The following USP10 variants were observed in gnomAD, a reference collection of about 807,000 sequenced individuals.
USP10 encodes the protein ubiquitin carboxyl-terminal hydrolase 10.
In USP10, 22 loss-of-function variants were observed where a neutral mutation model predicts 84.5. The ratio of observed to expected loss-of-function variants is 0.26; its 90% CI spans 0.19 to 0.37. USP10 has a LOEUF of 0.37. Ranked by LOEUF, USP10 falls within the 10% of genes least tolerant of loss-of-function variation. The pLI, the probability that USP10 is intolerant of heterozygous loss-of-function variation, is 1.00. For missense variants in USP10, 1,019 were observed against 998.9 expected (o/e 1.02, Z -0.27); for synonymous variants, 454 against 387.6 (o/e 1.17, Z -2.01).
At chr16:84,715,704 A>G (rs549916830) in intron 1 of USP10, among the ~76,000 whole-genome samples, 15 of 152,040 alleles carry the variant, frequency 9.9e-5, no homozygotes, top group African/African-American at 3.6e-4. Context: ...TAAACTAGAG[A>G]TTTAGTGGCT....
intron 1 of USP10, among the ~76,000 whole-genome samples, chr16:84,719,124 C>G (rs1271175956): frequency 3.9e-5 from 6 of 152,030 alleles, no homozygotes; most frequent in Non-Finnish European, 1.5e-5. Context: ...TTGTTTTTGC[C>G]TTTATTAACT....
intron 2 of USP10, among the ~76,000 whole-genome samples, chr16:84,734,854 C>A (rs1008737242): frequency 6.6e-6 from 1 of 152,170 alleles, no homozygotes; most frequent in Admixed American, 6.5e-5. Context: ...CTCCCTGCCC[C>A]TGTGGCCCTG....
In USP10 at chr16:84,757,396, GGTGGGGGTGTGTGTGTGTGT is replaced by G. The variant is rs1299526745; in HGVS notation, c.1193-1316_1193-1297del. Among the ~76,000 whole-genome samples the G allele has an allele frequency of 1.6e-4, 21 of 127,436 alleles. 1 individual carries two copies. The highest frequency in any genetic ancestry group is 2.6e-4 in the Non-Finnish European group (16 of 61,352). The allele number at this position is 127,436 out of a possible 152,430, so 83.6% of individuals were successfully genotyped here. On this transcript the variant is annotated intron_variant, in intron 4 of 13. Transcript: ENST00000219473. ...TTCATAGGAAGGAGGGAATGAGAGG[GGTGGGGGTGTGTGTGTGTGT>G]GTGTGTGTGTGTGTGTGTGTGTGTG...
chr16:84,773,181 T>A (rs533011585), intron 12 of USP10, among the ~76,000 whole-genome samples: 10 of 152,178 alleles, frequency 6.6e-5, no homozygotes, highest in African/African-American at 2.2e-4. Flanking sequence ...TGAAAGCAAT[T>A]TTAAAGAGCC....
chr16:84,730,824 A>G (rs1043161106), intron 1 of USP10, among the ~76,000 whole-genome samples: 1 of 152,182 alleles, frequency 6.6e-6, no homozygotes, highest in Admixed American at 6.5e-5. Flanking sequence ...TCCATTGTCT[A>G]GGAAGAAAAC....
At chr16:84,769,728 T>G (rs1294677856) in intron 11 of USP10, among the ~76,000 whole-genome samples, 1 of 151,972 alleles carries the variant, frequency 6.6e-6, no homozygotes, top group Non-Finnish European at 1.5e-5. Flanking sequence ...GTTGGGGAGG[T>G]GGTCAGCCTT....
chr16:84,779,066 G>A lies in USP10; in HGVS notation c.2381G>A (p.Arg794Gln), dbSNP rs1228910732. 2.5e-6 allele frequency: 4 copies of A among 1,613,676 alleles called. No individual in the cohort carries two copies. The highest frequency in any genetic ancestry group is 1.1e-5 in the South Asian group (1 of 91,060). ...ERTAYLLYYR[R>Q]VDLL is the part of the protein sequence containing the mutation. ...ACAGCCTACCTCCTGTATTACCGCC[G>A]AGTGGACCTGCTGTAAACCCTGTGT... The change falls in exon 14 of 14, where the codon CGA (arginine) becomes CAA (glutamine). Residue 794 changes from arginine to glutamine, a missense_variant. Transcript: ENST00000219473.
intron 1 of USP10, 120 bp from the exon 2 acceptor site, chr16:84,733,315 A>G: frequency 1.4e-6 from 1 of 738,916 alleles, no homozygotes; most frequent in East Asian, 2.6e-5. Context: ...TTAATTGAGA[A>G]AGGATCTTGG....
rs576060598 is a variant in USP10 at position 84,734,787 on chromosome 16, G to T, written c.90+1284G>T. Among the ~76,000 whole-genome samples the T allele has an allele frequency of 2.0e-5, 3 of 152,280 alleles. No homozygotes were observed. In the South Asian group the frequency reaches 6.2e-4, roughly 32 times the overall value. ...TCAGATTTTGTTTTCACGCTTCAGT[G>T]TGTAATAAGCTGAAATTGAGGCACT... is the stretch of plus-strand genomic sequence containing the variant. On this transcript the variant is annotated intron_variant, in intron 2 of 13. Transcript: ENST00000219473.
intron 4 of USP10, among the ~76,000 whole-genome samples, chr16:84,757,338 A>T (rs776421907): frequency 6.6e-6 from 1 of 150,822 alleles, no homozygotes; most frequent in Non-Finnish European, 1.5e-5. Context: ...ATTATTCCCT[A>T]CGCTTCTTCA....
chr16:84,749,126 A>G (rs1407106463), intron 4 of USP10, among the ~76,000 whole-genome samples: 1 of 152,236 alleles, frequency 6.6e-6, no homozygotes, highest in Admixed American at 6.5e-5. Context: ...CCTTGGGATC[A>G]TATAGGGCTT....
chr16:84,775,258 T>G (rs774287245), intron 13 of USP10, 33 bp downstream of exon 13: 9 of 1,599,856 alleles, frequency 5.6e-6, no homozygotes, highest in Middle Eastern at 3.3e-4. Flanking sequence ...ACTTCTTCAT[T>G]AAAACACTGA....
At chr16:84,742,288 T>A (rs1251062879) in intron 3 of USP10, among the ~76,000 whole-genome samples, 8 of 152,218 alleles carry the variant, frequency 5.3e-5, no homozygotes, top group Admixed American at 5.2e-4. Flanking sequence ...CAAGTTCCAC[T>A]GACCTCTCTA....
At chr16:84,726,822 T>G (rs1908549218) in intron 1 of USP10, among the ~76,000 whole-genome samples, 1 of 152,262 alleles carries the variant, frequency 6.6e-6, no homozygotes, top group Admixed American at 6.5e-5. Flanking sequence ...CTCCCCCGAA[T>G]CGCAGGCATT....
chr16:84,734,481 C>G (rs185279959), intron 2 of USP10, among the ~76,000 whole-genome samples: 1 of 152,078 alleles, frequency 6.6e-6, no homozygotes, highest in Non-Finnish European at 1.5e-5. Context: ...AATCAAGTAG[C>G]TTGTCTTTTT....
chr16:84,736,394 TTTGC>T (rs1236314778), intron 2 of USP10, among the ~76,000 whole-genome samples: 3 of 152,336 alleles, frequency 2.0e-5, no homozygotes, highest in African/African-American at 7.2e-5. Flanking sequence ...TGTCTTTTAG[TTTGC>T]TTGCTTGGCA....
chr16:84,700,215 A>T (rs1178014416), intron 1 of USP10, 104 bp downstream of exon 1: 7 of 928,540 alleles, frequency 7.5e-6, no homozygotes, highest in Non-Finnish European at 9.4e-6. Flanking sequence ...AGCGTGTGGG[A>T]GTGGGGGAGG....
At chr16:84,703,229 C>A (rs1224508727) in intron 1 of USP10, among the ~76,000 whole-genome samples, 1 of 151,992 alleles carries the variant, frequency 6.6e-6, no homozygotes, top group Non-Finnish European at 1.5e-5. Flanking sequence ...ATCCTTGTCA[C>A]TGAGGGGACC....
intron 1 of USP10, among the ~76,000 whole-genome samples, chr16:84,731,892 T>G (rs1909287007): frequency 6.6e-6 from 1 of 152,176 alleles, no homozygotes; most frequent in African/African-American, 2.4e-5. Context: ...TTTCCCAGTG[T>G]TGGTGATGAG....
Sources: allele counts gnomAD v4.1 joint callset (sites outside exome capture counted in the v4.1 genomes callset), GRCh38; gene constraint gnomAD v4.1.1; transcripts MANE v1.5; gene names NCBI Gene and HGNC (gene_info 2026-07-23, HGNC 2026-07-21).